HOOK1: variants seen among roughly 807,000 people sequenced by gnomAD.
The protein encoded by HOOK1 is protein Hook homolog 1.
Under a neutral mutation model 112.8 loss-of-function variants are expected in HOOK1, and 60 were observed. The observed-to-expected ratio is 0.53, with a 90% CI of 0.43 to 0.66. The LOEUF is 0.66. HOOK1 is among the 30% of genes least tolerant of loss of function. HOOK1 has a pLI of 0.00. For missense variants in HOOK1, 770 were observed against 856.0 expected, an observed-to-expected ratio of 0.90 and a Z score of 1.25; for synonymous variants, 294 against 283.8, an observed-to-expected ratio of 1.04 and a Z score of -0.36.
At position 59,843,461 on chromosome 1, in the gene HOOK1, A is replaced by T; in HGVS notation, c.651A>T (p.Ser217=). The T allele has an allele frequency of 6.2e-7, 1 of 1,610,788 alleles. No individual in the cohort carries two copies. Among genetic ancestry groups the T allele is most frequent in the Non-Finnish European group, 8.5e-7 (1 of 1,178,420 alleles). ...QVTTLQDEKN[S]LVSENEMMNE... ...CTACACTTCAAGATGAAAAGAATTCACTGGTTTCTGAAAATGAGATGATGA... is the reference window on the plus strand; with the variant it reads ...CTACACTTCAAGATGAAAAGAATTCTCTGGTTTCTGAAAATGAGATGATGA... Residue 217 remains serine (S), a synonymous_variant, in exon 9 of 22, where the codon TCA becomes TCT. Coordinates refer to ENST00000371208, the MANE Select transcript of HOOK1 (RefSeq NM_015888.6).
At chr1:59,852,424 T>C (rs905474982) in intron 12 of HOOK1, among the ~76,000 whole-genome samples, 1 of 151,916 alleles carries the variant, frequency 6.6e-6, no homozygotes, top group South Asian at 2.1e-4. Context: ...TTTATGGGCA[T>C]ACAGTTGTTT....
chr1:59,814,994 C>G lies in HOOK1; in HGVS notation c.-124C>G. ...AGCGCGAGGGTTCGCGCGTGAGCTG[C>G]GCGGGTCGGGCCTGGTACCGAGCTT... is the stretch of plus-strand genomic sequence containing the variant. On this transcript the variant is annotated 5_prime_UTR_variant, in exon 1 of 22. Transcript: ENST00000371208. 1 of 945,784 alleles carries G rather than the reference C, an allele frequency of 1.1e-6. No homozygotes were observed. Among genetic ancestry groups the G allele is most frequent in the Non-Finnish European group, 1.6e-6 (1 of 628,158 alleles). 58.6% of individuals were successfully genotyped at this position (945,784 alleles called of 1,614,324 possible).
At chr1:59,822,778 A>G (rs1413112821) in intron 2 of HOOK1, among the ~76,000 whole-genome samples, 1 of 152,182 alleles carries the variant, frequency 6.6e-6, no homozygotes, top group African/African-American at 2.4e-5. Context: ...ATTTGCCATG[A>G]TTTACATTGA....
intron 9 of HOOK1, among the ~76,000 whole-genome samples, chr1:59,844,423 T>C (rs542363780): frequency 2.6e-5 from 4 of 152,024 alleles, no homozygotes; most frequent in Admixed American, 6.6e-5. Context: ...AATTGGGATC[T>C]TTTTCTGGAC....
At position 59,872,994 on chromosome 1, in the gene HOOK1, A is replaced by C. The variant is rs1284705722; in HGVS notation, c.*29A>C. On this transcript the variant is annotated 3_prime_UTR_variant, in exon 22 of 22. Coordinates refer to ENST00000371208, the MANE Select transcript of HOOK1 (RefSeq NM_015888.6). ...GCAAAAAAAACAAAACAAAACAAAAAAACCACATAAAATAGAAGTGTCCTT... is the reference window on the plus strand; with the variant it reads ...GCAAAAAAAACAAAACAAAACAAAACAACCACATAAAATAGAAGTGTCCTT... 1 of 1,419,736 alleles carries C rather than the reference A, an allele frequency of 7.0e-7. No homozygotes were observed. Among genetic ancestry groups the C allele is most frequent in the African/African-American group, 1.5e-5 (1 of 68,734 alleles). 87.9% of individuals were successfully genotyped at this position (1,419,736 alleles called of 1,614,324 possible).
intron 2 of HOOK1, among the ~76,000 whole-genome samples, chr1:59,825,551 T>C (rs912640466): frequency 5.3e-5 from 8 of 152,256 alleles, no homozygotes; most frequent in African/African-American, 1.9e-4. Flanking sequence ...TATTTGACTT[T>C]CTTTCATTTA....
rs574318265 is a variant in HOOK1 at position 59,846,226 on chromosome 1, A to G, written c.789-819A>G. Among the ~76,000 whole-genome samples, 5 of 151,914 alleles carry G rather than the reference A, an allele frequency of 3.3e-5. No individual in the cohort carries two copies. In the East Asian group the frequency reaches 9.7e-4, roughly 29 times the overall value. On this transcript the variant is annotated intron_variant, in intron 9 of 21. Coordinates refer to ENST00000371208, the MANE Select transcript of HOOK1 (RefSeq NM_015888.6). ...TTAATTTATCGACATGAAGTTGTTCATAATATTCTTTTTTTATCGTTATAA... is the reference window on the plus strand; with the variant it reads ...TTAATTTATCGACATGAAGTTGTTCGTAATATTCTTTTTTTATCGTTATAA...
At chr1:59,872,022 G>A (rs1644062003) in intron 21 of HOOK1, among the ~76,000 whole-genome samples, 1 of 152,128 alleles carries the variant, frequency 6.6e-6, no homozygotes, top group African/African-American at 2.4e-5. Flanking sequence ...GTTCTTCCAT[G>A]ACCTCTTGAT....
intron 6 of HOOK1, among the ~76,000 whole-genome samples, chr1:59,836,474 G>GT (rs2098397742): frequency 6.6e-6 from 1 of 151,944 alleles, no homozygotes; most frequent in East Asian, 1.9e-4. Flanking sequence ...TCATATAATC[G>GT]TAACTCCTAC....
At position 59,875,846 on chromosome 1, in the gene HOOK1, C is replaced by CT. The variant is rs1453196448; in HGVS notation, c.*2887dup. Reference sequence around the variant, plus strand: ...ATGATTTAGTATAGATTAATGACATCTTTTTTAGAAATATTAAAGTGAGTA... The same window carrying CT: ...ATGATTTAGTATAGATTAATGACATCTTTTTTTAGAAATATTAAAGTGAGTA... On this transcript the variant is annotated 3_prime_UTR_variant, in exon 22 of 22. Coordinates refer to ENST00000371208, the MANE Select transcript of HOOK1 (RefSeq NM_015888.6). 6.6e-6 allele frequency: 1 copy of CT among 152,158 alleles called. No homozygotes were observed. The highest frequency in any genetic ancestry group is 6.5e-5 in the Admixed American group (1 of 15,278). 9.4% of individuals were successfully genotyped at this position (152,158 alleles called of 1,614,324 possible).
At position 59,843,077 on chromosome 1, in the gene HOOK1, ATTAGT is replaced by A. The variant is rs199581922; in HGVS notation, c.622-351_622-347del. 1.3e-3 allele frequency among the ~76,000 whole-genome samples: 205 copies of A among 152,094 alleles called. 2 individuals are homozygous for A. In the East Asian group the frequency reaches 0.027, roughly 20 times the overall value. On this transcript the variant is annotated intron_variant, in intron 8 of 21. Coordinates refer to ENST00000371208, the MANE Select transcript of HOOK1 (RefSeq NM_015888.6). Reference sequence around the variant, plus strand: ...CTTAGCAGGTGACATCATTCTAAAAATTAGTTTATACCTAAAAGAGGAGACAAATT... The same window carrying A: ...CTTAGCAGGTGACATCATTCTAAAAATTATACCTAAAAGAGGAGACAAATT...
At chr1:59,844,694 T>A (rs1279081789) in intron 9 of HOOK1, among the ~76,000 whole-genome samples, 3 of 152,000 alleles carry the variant, frequency 2.0e-5, no homozygotes, top group Non-Finnish European at 4.4e-5. Context: ...AGAATTCCTA[T>A]CTATGAATGT....
intron 12 of HOOK1, among the ~76,000 whole-genome samples, chr1:59,851,422 G>A (rs2098407087): frequency 6.6e-6 from 1 of 151,416 alleles, no homozygotes; most frequent in African/African-American, 2.4e-5. Flanking sequence ...CATTCTTTTT[G>A]TTGTTATTTT....
At chr1:59,863,917 A>T (rs961606738) in intron 16 of HOOK1, 1 of 678,002 alleles carries the variant, frequency 1.5e-6, no homozygotes, top group African/African-American at 2.0e-5. Context: ...ATACTAGAGA[A>T]TACTTTTAAA....
At chr1:59,862,913 T>C (rs776275687) in intron 16 of HOOK1, 36 bp downstream of exon 16, 29 of 1,218,290 alleles carry the variant, frequency 2.4e-5, no homozygotes, top group Non-Finnish European at 6.1e-6. Flanking sequence ...TTCTGCTGTG[T>C]ATGGCTTTTC....
chr1:59,836,899 T>G lies in HOOK1; in HGVS notation c.501T>G (p.Ser167=). 6.3e-7 allele frequency: 1 copy of G among 1,593,734 alleles called. No individual in the cohort carries two copies. The highest frequency in any genetic ancestry group is 8.6e-7 in the Non-Finnish European group (1 of 1,164,970). ...QELMSKEILS[S]PPNDAVGELE... ...TGATGAGTAAAGAAATATTGAGCTC[T>G]CCTCCAAATGATGCTGTTGGAGAAT... is the stretch of plus-strand genomic sequence containing the variant. The change falls in exon 7 of 22, where the codon TCT becomes TCG. Residue 167 remains serine (S), a synonymous_variant. Transcript: ENST00000371208.
At chr1:59,821,580 A>G (rs114535066) in intron 1 of HOOK1, among the ~76,000 whole-genome samples, 2,430 of 152,294 alleles carry the variant, frequency 0.016, 77 homozygotes, top group African/African-American at 0.056. Flanking sequence ...CTGGTTTTGT[A>G]TTATTCCAAA....
rs1255360633 is a variant in HOOK1, at chr1:59,860,263, T to C, written c.1467T>C (p.Ile489=). ...AAGAAGGCTCTGAGAATGAACGTATTGAGGAACTTCAGGAGCAGCTAGAAC... is the reference window on the plus strand; with the variant it reads ...AAGAAGGCTCTGAGAATGAACGTATCGAGGAACTTCAGGAGCAGCTAGAAC... ...LQQEGSENER[I]EELQEQLEQK... Residue 489 remains isoleucine, a synonymous_variant, in exon 15 of 22, where the codon ATT becomes ATC. Coordinates refer to ENST00000371208, the MANE Select transcript of HOOK1 (RefSeq NM_015888.6). The C allele has an allele frequency of 1.2e-6, 2 of 1,611,022 alleles. No homozygotes were observed. Among genetic ancestry groups the C allele is most frequent in the Non-Finnish European group, 1.7e-6 (2 of 1,178,130 alleles).
rs369866665 is a variant in HOOK1, at chr1:59,823,130, C to T, written c.149+1187C>T. Among the ~76,000 whole-genome samples the T allele has an allele frequency of 5.8e-4, 89 of 152,310 alleles. 1 individual carries two copies. In the East Asian group the frequency reaches 0.015, roughly 25 times the overall value. On this transcript the variant is annotated intron_variant, in intron 2 of 21. Transcript: ENST00000371208. The stretch of plus-strand genomic sequence containing the variant: ...GGTCAGCAGATCGAGACCATCCTGG[C>T]TAACATGGTGAAACCCCATCTCTAC...
Sources: allele counts gnomAD v4.1 joint callset (sites outside exome capture counted in the v4.1 genomes callset), GRCh38; gene constraint gnomAD v4.1.1; transcripts MANE v1.5; gene names NCBI Gene and HGNC (gene_info 2026-07-23, HGNC 2026-07-21).